Variants in SGO2 observed in about 807,000 individuals in gnomAD.
SGO2 encodes shugoshin 2, also known as shugoshin-like 2.
A neutral mutation model predicts 99.5 loss-of-function variants in SGO2; 68 were observed. That is an observed-to-expected ratio of 0.68 (90% confidence interval 0.56 to 0.84). SGO2 has a LOEUF of 0.84. SGO2 is among the 40% of genes least tolerant of loss of function. SGO2 has a pLI of 0.00. For missense variants in SGO2, 1,350 were observed against 1,436.7 expected, an observed-to-expected ratio of 0.94 and a Z score of 0.97; for synonymous variants, 457 against 487.1, an observed-to-expected ratio of 0.94 and a Z score of 0.81.
chr2:200,571,042 C>A lies in SGO2; in HGVS notation c.704-8C>A. On this transcript the variant is annotated splice_polypyrimidine_tract_variant and splice_region_variant and intron_variant, in intron 6 of 8. Coordinates refer to ENST00000357799, the MANE Select transcript of SGO2 (RefSeq NM_152524.6). ...TGTTTCTGAGTTTTGTTTTCCTTTT[C>A]TTAATAGAAAGCCATTCCCACTCAG... 6.5e-7 allele frequency: 1 copy of A among 1,529,330 alleles called. No individual in the cohort carries two copies. The highest frequency in any genetic ancestry group is 8.8e-7 in the Non-Finnish European group (1 of 1,140,668). The allele number at this position is 1,529,330 out of a possible 1,614,324, so 94.7% of individuals were successfully genotyped here. A position where few individuals can be genotyped will look rare whatever the true frequency, so the allele number is the denominator to read the frequency against.
Position 200,535,045 on chromosome 2 carries a change from A to G in SGO2, c.183A>G (p.Leu61=), listed in dbSNP as rs373192565. 5.9e-5 allele frequency: 92 copies of G among 1,554,022 alleles called. No individual in the cohort carries two copies. Among genetic ancestry groups the G allele is most frequent in the Non-Finnish European group, 7.8e-5 (91 of 1,161,104 alleles). ...KISLKHNNRA[L]AQALSREKEN... ...CTTTAAAGCACAACAACAGGGCATT[A>G]GCTCAGGCTCTTAGTAGAGAAAAAG... Residue 61 remains leucine (L), a synonymous_variant, in exon 3 of 9, where the codon TTA becomes TTG. Coordinates refer to ENST00000357799, the MANE Select transcript of SGO2 (RefSeq NM_152524.6).
chr2:200,553,588 A>G (rs1481509081), intron 5 of SGO2, among the ~76,000 whole-genome samples: 1 of 152,224 alleles, frequency 6.6e-6, no homozygotes, highest in Non-Finnish European at 1.5e-5. Flanking sequence ...TCACATTTTT[A>G]CTAAAGACAA....
At chr2:200,563,471 T>G (rs2033057902) in intron 5 of SGO2, among the ~76,000 whole-genome samples, 1 of 152,262 alleles carries the variant, frequency 6.6e-6, no homozygotes, top group South Asian at 2.1e-4. Flanking sequence ...AGTATTTTAT[T>G]AAGGATTCTT....
chr2:200,555,048 C>T (rs1472696685), intron 5 of SGO2, among the ~76,000 whole-genome samples: 1 of 152,040 alleles, frequency 6.6e-6, no homozygotes, highest in Non-Finnish European at 1.5e-5. Flanking sequence ...TTTCACAAAC[C>T]TCCACAACTT....
rs1161494998 is a variant in SGO2 at position 200,572,972 on chromosome 2, T to C, written c.2626T>C (p.Cys876Arg). 2 of 1,594,260 alleles carry C rather than the reference T, an allele frequency of 1.3e-6. No individual in the cohort carries two copies. The highest frequency in any genetic ancestry group is 1.7e-6 in the Non-Finnish European group (2 of 1,173,490). ...TCTCATCAAAGATAATGGAAATTTA[T>C]GTGATTATGACACCCAGAATATATT... ...DLLIKDNGNL[C>R]DYDTQNILEL... Residue 876 changes from cysteine (C) to arginine (R), a missense_variant, in exon 7 of 9, where the codon TGT becomes CGT. Physicochemically the swap from Cys to Arg is radical, Grantham distance 180. Coordinates refer to ENST00000357799, the MANE Select transcript of SGO2 (RefSeq NM_152524.6).
chr2:200,542,613 A>G lies in SGO2; in HGVS notation c.422A>G (p.Lys141Arg). The G allele has an allele frequency of 6.2e-7, 1 of 1,613,176 alleles. No homozygotes were observed. Among genetic ancestry groups the G allele is most frequent in the Middle Eastern group, 1.7e-4 (1 of 6,056 alleles). The change falls in exon 5 of 9, where the codon AAG (lysine) becomes AGG (arginine). Residue 141 changes from lysine (K) to arginine (R), a missense_variant. Coordinates refer to ENST00000357799, the MANE Select transcript of SGO2 (RefSeq NM_152524.6). ...AGTTCCTTTCTACTGTCAGCTAGCA[A>G]GAAGAAACGAATTAGTAAACAGTGC... ...HQSSFLLSAS[K>R]KKRISKQCKL...
chr2:200,544,696 T>TCG (rs2032129332), intron 5 of SGO2, among the ~76,000 whole-genome samples: 2 of 95,390 alleles, frequency 2.1e-5, no homozygotes, highest in Non-Finnish European at 4.6e-5. Flanking sequence ...TTGGGAGATC[T>TCG]ATCTATCTAT....
At chr2:200,552,100 A>G (rs776249417) in intron 5 of SGO2, among the ~76,000 whole-genome samples, 22 of 152,184 alleles carry the variant, frequency 1.4e-4, no homozygotes, top group East Asian at 1.9e-4. Flanking sequence ...TCTTCCATCT[A>G]TAAACATGAT....
intron 5 of SGO2, among the ~76,000 whole-genome samples, chr2:200,548,662 A>C (rs188448891): frequency 7.2e-5 from 11 of 152,300 alleles, no homozygotes; most frequent in African/African-American, 2.6e-4. Context: ...AGATAAAATG[A>C]AAAGTTGGTT....
chr2:200,555,142 T>A (rs2032654234), intron 5 of SGO2, among the ~76,000 whole-genome samples: 1 of 152,246 alleles, frequency 6.6e-6, no homozygotes, highest in African/African-American at 2.4e-5. Context: ...CACATTCCCA[T>A]GACTTTTTAT....
At chr2:200,548,800 C>T (rs184789451) in intron 5 of SGO2, among the ~76,000 whole-genome samples, 7 of 152,036 alleles carry the variant, frequency 4.6e-5, no homozygotes, top group South Asian at 2.1e-4. Flanking sequence ...TTATTAGAGA[C>T]GATTATGAAT....
chr2:200,567,205 T>G (rs1194596903), intron 5 of SGO2, among the ~76,000 whole-genome samples: 1 of 152,218 alleles, frequency 6.6e-6, no homozygotes, highest in African/African-American at 2.4e-5. Flanking sequence ...TTTGGTCATC[T>G]TGGAACCTCT....
At chr2:200,542,704 G>C (rs761324669) in intron 5 of SGO2, 40 bp downstream of exon 5, 3 of 1,500,750 alleles carry the variant, frequency 2.0e-6, no homozygotes, top group Non-Finnish European at 2.8e-6. Context: ...AGAGTATATA[G>C]ATTTTATATA....
intron 8 of SGO2, among the ~76,000 whole-genome samples, chr2:200,581,887 GATTA>G (rs1375091019): frequency 2.6e-5 from 4 of 152,124 alleles, no homozygotes; most frequent in South Asian, 2.1e-4. Context: ...CTTTTGAAAG[GATTA>G]ATTAAACTCT....
chr2:200,526,448 G>A lies in SGO2; in HGVS notation c.-3+196G>A, dbSNP rs1169249111. Among the ~76,000 whole-genome samples the A allele has an allele frequency of 6.6e-6, 1 of 152,228 alleles. No individual in the cohort carries two copies. The highest frequency in any genetic ancestry group is 1.5e-5 in the Non-Finnish European group (1 of 68,038). On this transcript the variant is annotated intron_variant, in intron 1 of 8. Transcript: ENST00000357799. The surrounding 1 kb of genome is among the most constrained non-coding windows in gnomAD (Gnocchi z 4.8). ...TGACGGAGTCCTGTTTTGGCTTTGA[G>A]TCGCTGCCTCTTGTTTCTGAGATTT...
rs2031107299 is a variant in SGO2, at chr2:200,526,630, G to T, written c.-3+378G>T. Among the ~76,000 whole-genome samples, 1 of 152,116 alleles carries T rather than the reference G, an allele frequency of 6.6e-6. No homozygotes were observed. The highest frequency in any genetic ancestry group is 1.9e-4 in the East Asian group (1 of 5,184). On this transcript the variant is annotated intron_variant, in intron 1 of 8. Coordinates refer to ENST00000357799, the MANE Select transcript of SGO2 (RefSeq NM_152524.6). The surrounding 1 kb of genome is among the most constrained non-coding windows in gnomAD (Gnocchi z 4.8). Reference sequence around the variant, plus strand: ...GCGGAATGAATGTTAGGGACTGCGTGCCAAAGTTCTCGAAGGAGCCCTCTC... The same window carrying T: ...GCGGAATGAATGTTAGGGACTGCGTTCCAAAGTTCTCGAAGGAGCCCTCTC...
At chr2:200,552,672 T>C (rs1019482706) in intron 5 of SGO2, among the ~76,000 whole-genome samples, 5 of 152,156 alleles carry the variant, frequency 3.3e-5, no homozygotes, top group Admixed American at 6.6e-5. Flanking sequence ...AGCATGCTAA[T>C]AAATTATAAT....
chr2:200,534,360 T>C (rs1452812306), intron 2 of SGO2, among the ~76,000 whole-genome samples: 1 of 152,190 alleles, frequency 6.6e-6, no homozygotes, highest in African/African-American at 2.4e-5. Context: ...ATTTACATAG[T>C]GCTTTTAAAG....
chr2:200,573,087 C>T lies in SGO2; in HGVS notation c.2741C>T (p.Thr914Ile). The T allele has an allele frequency of 6.3e-7, 1 of 1,576,554 alleles. No individual in the cohort carries two copies. The highest frequency in any genetic ancestry group is 1.2e-5 in the South Asian group (1 of 82,654). ...NKLRNKVNWK[T>I]EIISEMNQIY... ...CTCAGGAATAAAGTGAATTGGAAGA[C>T]AGAAATAATTTCTGAAATGAACCAG... The change falls in exon 7 of 9, where the codon ACA becomes ATA. Residue 914 changes from threonine to isoleucine, a missense_variant. Thr to Ile is a moderately conservative substitution (Grantham distance 89). Coordinates refer to ENST00000357799, the MANE Select transcript of SGO2 (RefSeq NM_152524.6).
Sources: gnomAD v4.1 joint callset for allele counts (sites outside exome capture counted in the v4.1 genomes callset) on GRCh38, gnomAD v4.1.1 for gene constraint, Gnocchi (gnomAD v3.1) non-coding constraint, MANE v1.5 for transcripts, NCBI Gene and HGNC (gene_info 2026-07-23, HGNC 2026-07-21) for gene names.